The following PIAS2 variants were observed in gnomAD, a reference collection of about 807,000 sequenced individuals.
The protein encoded by PIAS2 is E3 SUMO-protein ligase PIAS2.
PIAS2 carries 19 observed loss-of-function variants against 69.7 expected under a neutral mutation model. That is an observed-to-expected ratio of 0.27 (90% CI 0.19 to 0.40). The LOEUF is 0.40. PIAS2 is among the 10% of genes least tolerant of loss of function. PIAS2 has a pLI of 1.00. For synonymous variants in PIAS2, 261 were observed against 263.2 expected, an observed-to-expected ratio of 0.99 and a Z score of 0.08; for missense variants, 624 against 757.0, an observed-to-expected ratio of 0.82 and a Z score of 2.06.
At chr18:46,915,001 CAAG>C (rs1429035372) in intron 1 of PIAS2, 1 of 151,942 alleles carries the variant, frequency 6.6e-6, no homozygotes, top group Non-Finnish European at 1.5e-5. Flanking sequence ...TAATGTCACA[CAAG>C]AAGGATGTTA....
intron 10 of PIAS2, among the ~76,000 whole-genome samples, chr18:46,828,993 T>C (rs893745380): frequency 2.0e-5 from 3 of 152,230 alleles, no homozygotes; most frequent in African/African-American, 7.2e-5. Flanking sequence ...TCCTTTATTT[T>C]TTCCCCTTTC....
intron 1 of PIAS2, among the ~76,000 whole-genome samples, chr18:46,912,709 G>C (rs1797899592): frequency 1.3e-5 from 2 of 152,002 alleles, no homozygotes; most frequent in African/African-American, 4.8e-5. Context: ...AATATAGAGA[G>C]AAAGGCATGG....
Position 46,805,069 on chromosome 18 carries a change from C to T in PIAS2, c.*7364G>A, listed in dbSNP as rs114445891. 650 of 152,320 alleles carry T rather than the reference C, an allele frequency of 4.3e-3. 3 individuals carry two copies. Among genetic ancestry groups the T allele is most frequent in the African/African-American group, 0.015 (628 of 41,564 alleles). 9.4% of individuals were successfully genotyped at this position (152,320 alleles called of 1,614,324 possible). A position where few individuals can be genotyped will look rare whatever the true frequency, so the allele number is the denominator to read the frequency against. On this transcript the variant is annotated 3_prime_UTR_variant, in exon 14 of 14. Coordinates refer to ENST00000585916, the MANE Select transcript of PIAS2 (RefSeq NM_004671.5). ...ATAGGTGGGGAAGAAATCATGCTTT[C>T]GGACTGTCCCTTCTGTTTGAATTAA...
At chr18:46,868,501 C>T (rs1033689874) in intron 2 of PIAS2, among the ~76,000 whole-genome samples, 2 of 152,174 alleles carry the variant, frequency 1.3e-5, no homozygotes, top group East Asian at 1.9e-4. Context: ...TCTCCCTTTC[C>T]GCCTAATTAG....
In PIAS2 at chr18:46,901,772, C is replaced by T. The variant is rs2055900004; in HGVS notation, c.25-10718G>A. Among the ~76,000 whole-genome samples the T allele has an allele frequency of 2.0e-5, 3 of 152,164 alleles. No individual in the cohort carries two copies. In the South Asian group the frequency reaches 6.2e-4, roughly 32 times the overall value. ...CAAAAACAAGAATAGAGGAGAGCTT[C>T]CTCAATTTGATAAACAGGTCTACCA... is the stretch of plus-strand genomic sequence containing the variant. On this transcript the variant is annotated intron_variant, in intron 1 of 13. Coordinates refer to ENST00000585916, the MANE Select transcript of PIAS2 (RefSeq NM_004671.5).
chr18:46,862,699 A>G (rs2145582896), intron 3 of PIAS2, among the ~76,000 whole-genome samples: 1 of 152,024 alleles, frequency 6.6e-6, no homozygotes, highest in Non-Finnish European at 1.5e-5. Context: ...ACATATATAT[A>G]CACATATATG....
chr18:46,904,481 T>C (rs1288206175), intron 1 of PIAS2, among the ~76,000 whole-genome samples: 2 of 152,126 alleles, frequency 1.3e-5, no homozygotes, highest in Non-Finnish European at 2.9e-5. Context: ...CCGGGTGCGG[T>C]GGCTCAGGCC....
At chr18:46,874,484 C>G (rs1355488607) in intron 2 of PIAS2, among the ~76,000 whole-genome samples, 1 of 152,132 alleles carries the variant, frequency 6.6e-6, no homozygotes, top group South Asian at 2.1e-4. Context: ...TACCATACCC[C>G]CTGGCACTCA....
At chr18:46,896,864 G>A (rs1404958674) in intron 1 of PIAS2, among the ~76,000 whole-genome samples, 1 of 152,202 alleles carries the variant, frequency 6.6e-6, no homozygotes, top group South Asian at 2.1e-4. Flanking sequence ...CATAAATTAA[G>A]TAAATTGCTT....
intron 2 of PIAS2, among the ~76,000 whole-genome samples, chr18:46,867,840 A>C (rs2049730338): frequency 6.6e-6 from 1 of 152,200 alleles, no homozygotes; most frequent in South Asian, 2.1e-4. Flanking sequence ...TGTACAGTTT[A>C]AGTGATGCTA....
intron 2 of PIAS2, among the ~76,000 whole-genome samples, chr18:46,868,692 A>C (rs2049870240): frequency 6.6e-6 from 1 of 152,202 alleles, no homozygotes; most frequent in African/African-American, 2.4e-5. Context: ...CTTCTGCAGA[A>C]GTAAATTTGC....
rs551416250 is a variant in PIAS2 at position 46,875,458 on chromosome 18, A to G, written c.500-11210T>C. On this transcript the variant is annotated intron_variant, in intron 2 of 13. Coordinates refer to ENST00000585916, the MANE Select transcript of PIAS2 (RefSeq NM_004671.5). ...GATAATCCCCAAACAATGGCCCAAG[A>G]ACCCTCCATATTCGAATGGTATGGG... Among the ~76,000 whole-genome samples, 5 of 152,298 alleles carry G rather than the reference A, an allele frequency of 3.3e-5. No individual in the cohort carries two copies. In the East Asian group the frequency reaches 9.7e-4, roughly 29 times the overall value.
intron 7 of PIAS2, 146 bp downstream of exon 7, chr18:46,844,588 A>G: frequency 2.6e-6 from 1 of 389,914 alleles, no homozygotes; most frequent in Non-Finnish European, 4.5e-6. Context: ...TTTACTCACC[A>G]GTAATGTATA....
chr18:46,916,914 GAGTAGCATGC>G, intron 1 of PIAS2: 1 of 985,502 alleles, frequency 1.0e-6, no homozygotes, highest in Non-Finnish European at 1.2e-6. Flanking sequence ...TCCACCAAGT[GAGTAGCATGC>G]AGACTTGTGA....
At chr18:46,816,302 A>G (rs1274327707) in intron 12 of PIAS2, 6 of 948,532 alleles carry the variant, frequency 6.3e-6, no homozygotes, top group African/African-American at 1.8e-5. Flanking sequence ...AATATCTACT[A>G]ACCAGTATGA....
At position 46,804,458 on chromosome 18, in the gene PIAS2, G is replaced by C. The variant is rs550241207; in HGVS notation, c.*7975C>G. 1 of 152,164 alleles carries C rather than the reference G, an allele frequency of 6.6e-6. No homozygotes were observed. Among genetic ancestry groups the C allele is most frequent in the South Asian group, 2.1e-4 (1 of 4,824 alleles). 9.4% of individuals were successfully genotyped at this position (152,164 alleles called of 1,614,324 possible). On this transcript the variant is annotated 3_prime_UTR_variant, in exon 14 of 14. Coordinates refer to ENST00000585916, the MANE Select transcript of PIAS2 (RefSeq NM_004671.5). ...AATCTGTTTCCACATTTGTAATATG[G>C]AGATAATCATGCCAAACTCAACAAA...
chr18:46,917,023 C>T (rs2058025062), intron 1 of PIAS2: 1 of 987,280 alleles, frequency 1.0e-6, no homozygotes, highest in Middle Eastern at 5.2e-4. Flanking sequence ...GATGTCGGGT[C>T]CCCATGTGCC....
At chr18:46,881,917 T>G (rs766780016) in intron 2 of PIAS2, among the ~76,000 whole-genome samples, 1 of 152,146 alleles carries the variant, frequency 6.6e-6, no homozygotes, top group Non-Finnish European at 1.5e-5. Flanking sequence ...GCCGACATGG[T>G]GAAACCCTGT....
chr18:46,847,063 C>A (rs7242143), intron 5 of PIAS2, among the ~76,000 whole-genome samples: 38 of 152,122 alleles, frequency 2.5e-4, no homozygotes, highest in Non-Finnish European at 1.5e-5. Flanking sequence ...GGAAAAAAAT[C>A]CATGTTCCAA....
Sources: allele counts gnomAD v4.1 joint callset (sites outside exome capture counted in the v4.1 genomes callset), GRCh38; gene constraint gnomAD v4.1.1; transcripts MANE v1.5; gene names NCBI Gene and HGNC (gene_info 2026-07-23, HGNC 2026-07-21).